CCDC88A: variants seen among roughly 807,000 people sequenced by gnomAD.
CCDC88A encodes girdin.
CCDC88A carries 54 observed loss-of-function variants against 234.3 expected under a neutral mutation model. The observed-to-expected ratio is 0.23, with a 90% CI of 0.19 to 0.29. The LOEUF (loss-of-function observed/expected upper bound fraction) is 0.29, where lower values mean the gene tolerates loss of function less well. Ranked by LOEUF, CCDC88A falls within the 10% of genes least tolerant of loss-of-function variation. The pLI is 1.00. For missense variants in CCDC88A, 1,832 were observed against 2,123.4 expected, an observed-to-expected ratio of 0.86 and a Z score of 2.70; for synonymous variants, 753 against 737.8, an observed-to-expected ratio of 1.02 and a Z score of -0.33.
rs752838449 is a variant in CCDC88A, at chr2:55,334,675, C to T, written c.2146G>A (p.Ala716Thr). ...TGTAGCTGAGCCATTTTCATGCTTG[C>T]ACACTTCAAAGATTCTACATTCCTT... ...LRRNVESLKC[A>T]SMKMAQLQLE... The change falls in exon 15 of 33, where the codon GCA (alanine) becomes ACA (threonine). Residue 716 changes from alanine (A) to threonine (T), a missense_variant. Physicochemically the swap from Ala to Thr is moderately conservative, Grantham distance 58. Coordinates refer to ENST00000436346, the MANE Select transcript of CCDC88A (RefSeq NM_001365480.1). This position sits in a 1 kb window ranked among gnomAD's most constrained non-coding sequence, Gnocchi z 6.1. 1.2e-6 allele frequency: 2 copies of T among 1,613,662 alleles called. No homozygotes were observed. The highest frequency in any genetic ancestry group is 1.7e-6 in the Non-Finnish European group (2 of 1,179,844).
At chr2:55,302,878 T>C in intron 26 of CCDC88A, 191 bp downstream of exon 26, 2 of 474,700 alleles carry the variant, frequency 4.2e-6, no homozygotes, top group Non-Finnish European at 7.7e-6. Context: ...CGTATATGTA[T>C]CAGTGGACAT....
intron 2 of CCDC88A, among the ~76,000 whole-genome samples, chr2:55,390,053 A>AAAAAAAAAAAAAAAAAAAAAAAAAACAG (rs377022377): frequency 1.3e-5 from 1 of 79,770 alleles, no homozygotes; most frequent in East Asian, 5.4e-4. Context: ...AAAAAAATAA[A>AAAAAAAAAAAAAAAAAAAAAAAAAACAG]AAATAAAGAT....
At chr2:55,418,524 A>G (rs1681837489) in intron 2 of CCDC88A, 5 of 360,906 alleles carry the variant, frequency 1.4e-5, no homozygotes, top group Non-Finnish European at 2.5e-5. Flanking sequence ...TTATTTTACC[A>G]AATTATCAAA....
chr2:55,343,808 G>A lies in CCDC88A; in HGVS notation c.1189-16C>T, dbSNP rs1315549895. 2.6e-6 allele frequency: 4 copies of A among 1,565,130 alleles called. No individual in the cohort carries two copies. The highest frequency in any genetic ancestry group is 3.5e-6 in the Non-Finnish European group (4 of 1,157,808). On this transcript the variant is annotated splice_polypyrimidine_tract_variant and intron_variant, in intron 11 of 32. Coordinates refer to ENST00000436346, the MANE Select transcript of CCDC88A (RefSeq NM_001365480.1). Reference sequence around the variant, plus strand: ...TATCTCGTTCCTTTTTTATTGGCAAGGATTAGGGAGAGAAAAAAGCTAAGA... The same window carrying A: ...TATCTCGTTCCTTTTTTATTGGCAAAGATTAGGGAGAGAAAAAAGCTAAGA...
chr2:55,348,276 ATTT>A (rs70954104), intron 9 of CCDC88A, among the ~76,000 whole-genome samples: 1 of 145,448 alleles, frequency 6.9e-6, no homozygotes, highest in African/African-American at 2.5e-5. Context: ...AAGTGACTTA[ATTT>A]TTTTTTTTTT....
chr2:55,382,094 C>G (rs1196478096), intron 3 of CCDC88A, among the ~76,000 whole-genome samples: 1 of 152,022 alleles, frequency 6.6e-6, no homozygotes, highest in Non-Finnish European at 1.5e-5. Flanking sequence ...TGACCAGTGT[C>G]AAAAATATGA....
chr2:55,349,733 A>AT (rs202098543), intron 8 of CCDC88A, 134 bp from the exon 9 acceptor site: 1 of 499,070 alleles, frequency 2.0e-6, no homozygotes, highest in Non-Finnish European at 3.5e-6. Flanking sequence ...AATCTAGAAG[A>AT]TAAAAAAAAA....
chr2:55,330,639 G>A (rs1164737511), intron 16 of CCDC88A, among the ~76,000 whole-genome samples: 2 of 152,120 alleles, frequency 1.3e-5, no homozygotes, highest in African/African-American at 2.4e-5. Context: ...GGCTGAGAAA[G>A]AAGCTAGTTT....
chr2:55,405,366 T>G (rs1679365627), intron 2 of CCDC88A: 1 of 151,662 alleles, frequency 6.6e-6, no homozygotes, highest in Non-Finnish European at 1.5e-5. Flanking sequence ...CCCACACAAC[T>G]CACTCTCTCA....
chr2:55,337,604 C>A (rs1356290907), intron 13 of CCDC88A: 2 of 152,104 alleles, frequency 1.3e-5, no homozygotes, highest in Non-Finnish European at 2.9e-5. Flanking sequence ...TAACTACACA[C>A]AGAAACAATC....
chr2:55,387,210 G>GTTTTATTTATT (rs1675812647), intron 3 of CCDC88A, among the ~76,000 whole-genome samples: 1 of 146,418 alleles, frequency 6.8e-6, no homozygotes, highest in Non-Finnish European at 1.5e-5. Flanking sequence ...AGAAACATTG[G>GTTTTATTTATT]TTTTATTTAT....
chr2:55,355,103 C>T (rs1027765787), intron 8 of CCDC88A, among the ~76,000 whole-genome samples: 4 of 151,608 alleles, frequency 2.6e-5, no homozygotes, highest in Admixed American at 6.6e-5. Context: ...TTACTAAGTA[C>T]GTAACTCAGG....
In CCDC88A at chr2:55,317,185, T is replaced by A; in HGVS notation, c.3746+21A>T. On this transcript the variant is annotated intron_variant, in intron 21 of 32. Transcript: ENST00000436346. This position sits in a 1 kb window ranked among gnomAD's most constrained non-coding sequence, Gnocchi z 4.2. Reference sequence around the variant, plus strand: ...TACTTTCTATATAAAATGTTTGTTATATATAATATATATTTATTACCTATC... The same window carrying A: ...TACTTTCTATATAAAATGTTTGTTAAATATAATATATATTTATTACCTATC... 9.4e-7 allele frequency: 1 copy of A among 1,068,576 alleles called. No individual in the cohort carries two copies. 66.2% of individuals were successfully genotyped at this position (1,068,576 alleles called of 1,614,324 possible).
chr2:55,393,160 T>G (rs1311082773), intron 2 of CCDC88A, among the ~76,000 whole-genome samples: 1 of 151,948 alleles, frequency 6.6e-6, no homozygotes, highest in Non-Finnish European at 1.5e-5. Context: ...TCTTACATAT[T>G]TAAGTTTTTT....
chr2:55,400,401 G>A (rs779950202), intron 2 of CCDC88A, among the ~76,000 whole-genome samples: 13 of 152,124 alleles, frequency 8.5e-5, no homozygotes, highest in Non-Finnish European at 1.6e-4. Flanking sequence ...AAATGCTTTA[G>A]TGACAAATAG....
At chr2:55,346,077 C>A in intron 10 of CCDC88A, 98 bp downstream of exon 10, 1 of 776,146 alleles carries the variant, frequency 1.3e-6, no homozygotes, top group Non-Finnish European at 2.0e-6. Context: ...TGTTTGTTCA[C>A]CATTTCAAGA....
At chr2:55,312,315 A>G (rs1022188627) in intron 23 of CCDC88A, 119 bp downstream of exon 23, 30 of 791,986 alleles carry the variant, frequency 3.8e-5, no homozygotes, top group Non-Finnish European at 5.5e-5. Context: ...GAATATAAGC[A>G]CTCAAAAATA....
At chr2:55,350,459 TCA>T (rs1219135750) in intron 8 of CCDC88A, 8 of 151,992 alleles carry the variant, frequency 5.3e-5, no homozygotes, top group Non-Finnish European at 1.0e-4. Flanking sequence ...TCTCTCTCCT[TCA>T]CAGTCAAGCT....
intron 17 of CCDC88A, 158 bp from the exon 18 acceptor site, chr2:55,322,850 A>G (rs1403129782): frequency 2.3e-6 from 1 of 430,494 alleles, no homozygotes. Flanking sequence ...TTTAAAATGT[A>G]AATCCTTTCC....
Sources: gnomAD v4.1 joint callset for allele counts (sites outside exome capture counted in the v4.1 genomes callset) on GRCh38, gnomAD v4.1.1 for gene constraint, Gnocchi (gnomAD v3.1) non-coding constraint, MANE v1.5 for transcripts, NCBI Gene and HGNC (gene_info 2026-07-23, HGNC 2026-07-21) for gene names.